Variants in ARHGAP10 observed in about 807,000 individuals in gnomAD.
ARHGAP10 encodes the protein Rho GTPase activating protein 10.
ARHGAP10 carries 87 observed loss-of-function variants against 108.6 expected under a neutral mutation model. That is an observed-to-expected ratio of 0.80 (90% CI 0.67 to 0.96). ARHGAP10 has a LOEUF of 0.96. Ranked by LOEUF, ARHGAP10 falls within the 40% of genes least tolerant of loss-of-function variation. ARHGAP10 has a pLI of 0.00. For missense variants in ARHGAP10, 939 were observed against 954.5 expected (o/e 0.98, Z 0.21); for synonymous variants, 347 against 341.1 (o/e 1.02, Z -0.19).
chr4:147,810,014 T>C (rs1228109135), intron 1 of ARHGAP10, among the ~76,000 whole-genome samples: 1 of 152,244 alleles, frequency 6.6e-6, no homozygotes, highest in African/African-American at 2.4e-5. Context: ...TATTATTTAG[T>C]ATTTTCTCTA....
intron 15 of ARHGAP10, among the ~76,000 whole-genome samples, chr4:147,950,092 A>G (rs1258160034): frequency 6.6e-6 from 1 of 152,168 alleles, no homozygotes; most frequent in Non-Finnish European, 1.5e-5. Context: ...AAATGTTATT[A>G]TTATATAACT....
At chr4:147,951,631 A>G (rs377550326) in intron 15 of ARHGAP10, among the ~76,000 whole-genome samples, 4 of 152,016 alleles carry the variant, frequency 2.6e-5, no homozygotes, top group African/African-American at 7.3e-5. Flanking sequence ...ACATTAAAAA[A>G]AAATAGAAAC....
chr4:147,782,953 TTA>T (rs911188236), intron 1 of ARHGAP10, among the ~76,000 whole-genome samples: 5 of 139,850 alleles, frequency 3.6e-5, no homozygotes, highest in Non-Finnish European at 4.7e-5. Context: ...ATTATATAAA[TTA>T]TATATAATAT....
chr4:147,732,393 G>A lies in ARHGAP10; in HGVS notation c.92G>A (p.Arg31Lys). Reference protein sequence around the residue: ...RIRAHEAELERTNKFIKELIK... With the variant: ...RIRAHEAELEKTNKFIKELIK... ...CGCGCTCACGAAGCGGAACTCGAGA[G>A]GACCAACAAGTTCATCAAAGAGCTC... The change falls in exon 1 of 23, where the codon AGG becomes AAG. Residue 31 changes from arginine (R) to lysine (K), a missense_variant. Transcript: ENST00000336498. 1 of 1,613,564 alleles carries A rather than the reference G, an allele frequency of 6.2e-7. No homozygotes were observed. The highest frequency in any genetic ancestry group is 8.5e-7 in the Non-Finnish European group (1 of 1,179,686).
chr4:147,761,884 G>A (rs1442258901), intron 1 of ARHGAP10, among the ~76,000 whole-genome samples: 1 of 151,088 alleles, frequency 6.6e-6, no homozygotes, highest in Non-Finnish European at 1.5e-5. Flanking sequence ...CACTTGCTTT[G>A]GACTTTATGT....
chr4:147,887,556 T>C (rs1403097132), intron 10 of ARHGAP10, among the ~76,000 whole-genome samples: 1 of 152,092 alleles, frequency 6.6e-6, no homozygotes, highest in Non-Finnish European at 1.5e-5. Context: ...AGCTATCATA[T>C]TTATGGTCTC....
chr4:147,930,921 T>G (rs951371915), intron 13 of ARHGAP10, among the ~76,000 whole-genome samples: 2 of 152,350 alleles, frequency 1.3e-5, no homozygotes, highest in South Asian at 4.1e-4. Flanking sequence ...ATTTTCTGTG[T>G]TGCTTCTCCA....
intron 1 of ARHGAP10, among the ~76,000 whole-genome samples, chr4:147,744,428 T>C (rs1728820231): frequency 1.3e-5 from 2 of 151,988 alleles, no homozygotes; most frequent in South Asian, 4.1e-4. Context: ...GGTTGAGGGC[T>C]TTACTCTAAG....
At chr4:147,775,787 A>G (rs1730265064) in intron 1 of ARHGAP10, among the ~76,000 whole-genome samples, 1 of 152,230 alleles carries the variant, frequency 6.6e-6, no homozygotes, top group Admixed American at 6.5e-5. Flanking sequence ...AACAGCATGT[A>G]TGCAGCACAT....
chr4:147,966,514 T>A (rs1007596287), intron 17 of ARHGAP10, among the ~76,000 whole-genome samples, 166 bp from the exon 18 acceptor site: 3 of 152,158 alleles, frequency 2.0e-5, no homozygotes, highest in African/African-American at 7.2e-5. Context: ...GGCAGGAGCA[T>A]CTGCATGGAG....
intron 18 of ARHGAP10, among the ~76,000 whole-genome samples, chr4:148,005,655 C>G (rs575796863): frequency 2.0e-5 from 3 of 152,128 alleles, no homozygotes; most frequent in Non-Finnish European, 1.5e-5. Flanking sequence ...GCTGGAGGGA[C>G]CAGGTTTTAA....
chr4:147,773,468 G>A (rs1160780839), intron 1 of ARHGAP10, among the ~76,000 whole-genome samples: 1 of 152,154 alleles, frequency 6.6e-6, no homozygotes, highest in Non-Finnish European at 1.5e-5. Context: ...GATTACAGCT[G>A]CCCAGAGACA....
intron 1 of ARHGAP10, among the ~76,000 whole-genome samples, chr4:147,797,693 G>A (rs1731372330): frequency 6.6e-6 from 1 of 152,152 alleles, no homozygotes; most frequent in Non-Finnish European, 1.5e-5. Flanking sequence ...TTACAAGCAT[G>A]AGCCGTTGCG....
intron 15 of ARHGAP10, 65 bp downstream of exon 15, chr4:147,946,769 C>G: frequency 8.1e-7 from 1 of 1,231,542 alleles, no homozygotes; most frequent in Non-Finnish European, 1.1e-6. Flanking sequence ...AAAACAGATG[C>G]CAATTGTGTA....
chr4:148,036,520 C>A (rs1345922184), intron 19 of ARHGAP10, among the ~76,000 whole-genome samples: 1 of 152,122 alleles, frequency 6.6e-6, no homozygotes, highest in Non-Finnish European at 1.5e-5. Context: ...GGGGGCTTTC[C>A]CCTTTTGCTT....
At chr4:147,767,546 A>G (rs1365198719) in intron 1 of ARHGAP10, among the ~76,000 whole-genome samples, 2 of 152,138 alleles carry the variant, frequency 1.3e-5, no homozygotes, top group African/African-American at 4.8e-5. Flanking sequence ...GCCTATATTA[A>G]AAGATTATCA....
chr4:147,830,274 C>T (rs945886476), intron 3 of ARHGAP10, among the ~76,000 whole-genome samples: 17 of 152,254 alleles, frequency 1.1e-4, no homozygotes, highest in African/African-American at 4.1e-4. Flanking sequence ...TAAGCTGCTG[C>T]ATACCAAAGG....
chr4:148,005,404 C>T (rs1161153568), intron 18 of ARHGAP10, among the ~76,000 whole-genome samples: 10 of 151,878 alleles, frequency 6.6e-5, no homozygotes, highest in Admixed American at 1.3e-4. Context: ...GGCAACATAG[C>T]GAGACCCCAT....
chr4:147,953,304 C>A (rs745969148), intron 15 of ARHGAP10, among the ~76,000 whole-genome samples: 6 of 151,850 alleles, frequency 4.0e-5, no homozygotes, highest in Admixed American at 2.0e-4. Flanking sequence ...AGAAATTATT[C>A]CCTCTTCTAT....
Sources: gnomAD v4.1 joint callset for allele counts (sites outside exome capture counted in the v4.1 genomes callset) on GRCh38, gnomAD v4.1.1 for gene constraint, MANE v1.5 for transcripts, NCBI Gene and HGNC (gene_info 2026-07-23, HGNC 2026-07-21) for gene names.